Variants in BCAS3 observed in about 807,000 individuals in gnomAD.
BCAS3 encodes BCAS4/BCAS3 fusion.
Under a neutral mutation model 116.1 loss-of-function variants are expected in BCAS3, and 53 were observed. The ratio of observed to expected loss-of-function variants is 0.46; its 90% CI spans 0.37 to 0.57. The LOEUF is 0.57. BCAS3 is among the 20% of genes least tolerant of loss of function. BCAS3 has a pLI of 0.00. For synonymous variants in BCAS3, 391 were observed against 408.2 expected, an observed-to-expected ratio of 0.96 and a Z score of 0.51; for missense variants, 917 against 1,165.4, an observed-to-expected ratio of 0.79 and a Z score of 3.10.
chr17:61,229,437 A>G lies in BCAS3; in HGVS notation c.2426-138890A>G, dbSNP rs185279036. On this transcript the variant is annotated intron_variant, in intron 22 of 23. Coordinates refer to ENST00000407086, the MANE Select transcript of BCAS3 (RefSeq NM_017679.5). This position sits in a 1 kb window ranked among gnomAD's most constrained non-coding sequence, Gnocchi z 4.4. ...GATGAAGGTGGCTATGCTAAACAAC[A>G]GATATCGATGTAGACAGAACAGCCT... Among the ~76,000 whole-genome samples the G allele has an allele frequency of 1.2e-3, 184 of 152,388 alleles. No homozygotes were observed. Among genetic ancestry groups the G allele is most frequent in the Non-Finnish European group, 1.8e-3 (120 of 68,034 alleles).
At chr17:61,375,883 T>C (rs1186277199) in intron 23 of BCAS3, among the ~76,000 whole-genome samples, 2 of 152,198 alleles carry the variant, frequency 1.3e-5, no homozygotes, top group Non-Finnish European at 2.9e-5. Flanking sequence ...AATTATCTTT[T>C]AGCCATCCCT....
At chr17:61,115,497 T>C (rs1446988512) in intron 22 of BCAS3, among the ~76,000 whole-genome samples, 10 of 138,116 alleles carry the variant, frequency 7.2e-5, no homozygotes, top group Admixed American at 1.5e-4. Flanking sequence ...AAAATGCTCA[T>C]CATCACTGGC....
At chr17:60,859,394 G>T (rs896731530) in intron 7 of BCAS3, among the ~76,000 whole-genome samples, 1 of 151,968 alleles carries the variant, frequency 6.6e-6, no homozygotes, top group African/African-American at 2.4e-5. Context: ...CCTTCCTTGT[G>T]TCCATGTGAA....
chr17:61,080,151 C>T (rs1029947279), intron 21 of BCAS3, among the ~76,000 whole-genome samples: 5 of 151,836 alleles, frequency 3.3e-5, no homozygotes, highest in Non-Finnish European at 7.4e-5. Flanking sequence ...GTGATCTGCC[C>T]GCCTCTGCCT....
At chr17:60,952,975 A>G (rs901210927) in intron 14 of BCAS3, among the ~76,000 whole-genome samples, 1 of 151,088 alleles carries the variant, frequency 6.6e-6, no homozygotes, top group Non-Finnish European at 1.5e-5. Context: ...ATAATATTCC[A>G]TGGTGTCTAT....
At position 61,065,681 on chromosome 17, in the gene BCAS3, T is replaced by C. The variant is rs1821510309; in HGVS notation, c.2030-9239T>C. Among the ~76,000 whole-genome samples the C allele has an allele frequency of 6.6e-6, 1 of 152,086 alleles. No homozygotes were observed. Among genetic ancestry groups the C allele is most frequent in the Admixed American group, 6.6e-5 (1 of 15,264 alleles). On this transcript the variant is annotated intron_variant, in intron 19 of 23. Coordinates refer to ENST00000407086, the MANE Select transcript of BCAS3 (RefSeq NM_017679.5). This position sits in a 1 kb window ranked among gnomAD's most constrained non-coding sequence, Gnocchi z 4.8. ...CTTTCACGTGCTAAGGGTTTTATTG[T>C]TTGTGGAGGAAGGGTGGGGATATGG...
intron 22 of BCAS3, among the ~76,000 whole-genome samples, chr17:61,299,400 A>C (rs1171582439): frequency 7.2e-6 from 1 of 139,558 alleles, no homozygotes; most frequent in African/African-American, 2.8e-5. Flanking sequence ...CTGAGGTTGC[A>C]CCATTGCACT....
At chr17:60,717,987 T>A (rs2038826270) in intron 5 of BCAS3, among the ~76,000 whole-genome samples, 1 of 152,204 alleles carries the variant, frequency 6.6e-6, no homozygotes, top group South Asian at 2.1e-4. Flanking sequence ...TAGATTCTCA[T>A]AAGGAGCACA....
rs549734894 is a variant in BCAS3 at position 60,681,972 on chromosome 17, C to T, written c.84-2010C>T. The stretch of plus-strand genomic sequence containing the variant: ...CTCAAACTCCCAACCTCAGGTGGTC[C>T]GCCTGCCTCAGCCTCCCAAAGTGCT... On this transcript the variant is annotated intron_variant, in intron 2 of 23. Coordinates refer to ENST00000407086, the MANE Select transcript of BCAS3 (RefSeq NM_017679.5). 1.4e-4 allele frequency among the ~76,000 whole-genome samples: 22 copies of T among 152,210 alleles called. 1 individual carries two copies. Among genetic ancestry groups the T allele is most frequent in the African/African-American group, 5.3e-4 (22 of 41,548 alleles).
chr17:60,866,355 C>T (rs973859040), intron 7 of BCAS3, among the ~76,000 whole-genome samples: 6 of 151,984 alleles, frequency 3.9e-5, no homozygotes, highest in African/African-American at 1.4e-4. Flanking sequence ...TCTTGAACTC[C>T]CAACCTCAGG....
intron 7 of BCAS3, among the ~76,000 whole-genome samples, chr17:60,865,821 A>G (rs1195556809): frequency 2.0e-5 from 3 of 152,176 alleles, no homozygotes; most frequent in Non-Finnish European, 2.9e-5. Context: ...AAAGCAGACA[A>G]TTTTGCCTCG....
At chr17:61,305,000 G>A (rs1280741309) in intron 22 of BCAS3, among the ~76,000 whole-genome samples, 19 of 152,030 alleles carry the variant, frequency 1.2e-4, no homozygotes, top group Admixed American at 9.8e-4. Flanking sequence ...CAGGTGATCC[G>A]CCCGCCTCGG....
At position 61,077,034 on chromosome 17, in the gene BCAS3, G is replaced by A. The variant is rs2143475963; in HGVS notation, c.2131-1299G>A. 6.6e-6 allele frequency among the ~76,000 whole-genome samples: 1 copy of A among 152,112 alleles called. No homozygotes were observed. Among genetic ancestry groups the A allele is most frequent in the Middle Eastern group, 3.4e-3 (1 of 294 alleles). The stretch of plus-strand genomic sequence containing the variant: ...AACTCAGGACAAAAATAAGGCATGT[G>A]GGAAGTCAATTACATAAAGTATTTG... On this transcript the variant is annotated intron_variant, in intron 20 of 23. Transcript: ENST00000407086. The surrounding 1 kb of genome is among the most constrained non-coding windows in gnomAD (Gnocchi z 4.3).
chr17:60,812,541 G>C (rs973960351), intron 7 of BCAS3, among the ~76,000 whole-genome samples: 1 of 152,184 alleles, frequency 6.6e-6, no homozygotes, highest in African/African-American at 2.4e-5. Context: ...CTGTTTGGGA[G>C]TGGTCCTAGA....
In BCAS3 at chr17:61,128,154, C is replaced by T. The variant is rs1013609387; in HGVS notation, c.2425+43590C>T. The T allele has an allele frequency of 1.5e-4, 144 of 982,348 alleles. No individual in the cohort carries two copies. The highest frequency in any genetic ancestry group is 6.1e-4 in the Admixed American group (10 of 16,262). The allele number at this position is 982,348 out of a possible 1,614,324, so 60.9% of individuals were successfully genotyped here. A position where few individuals can be genotyped will look rare whatever the true frequency, so the allele number is the denominator to read the frequency against. ...AGATTCCTTGATACTGTAAACCTGA[C>T]AACTCAATCTGGTTTTCTTTTAGGA... On this transcript the variant is annotated intron_variant, in intron 22 of 23. Coordinates refer to ENST00000407086, the MANE Select transcript of BCAS3 (RefSeq NM_017679.5). The surrounding 1 kb of genome is among the most constrained non-coding windows in gnomAD (Gnocchi z 4.1).
Position 61,098,730 on chromosome 17 carries a change from G to A in BCAS3, c.2425+14166G>A, listed in dbSNP as rs1476955342. On this transcript the variant is annotated intron_variant, in intron 22 of 23. Transcript: ENST00000407086. The surrounding 1 kb of genome is among the most constrained non-coding windows in gnomAD (Gnocchi z 4.2). ...TCTCTAAATGTTTTTACGTTGTTGT[G>A]ATCAGGATTTCTTTGCCAAATGAAA... is the stretch of plus-strand genomic sequence containing the variant. Among the ~76,000 whole-genome samples, 1 of 152,140 alleles carries A rather than the reference G, an allele frequency of 6.6e-6. No homozygotes were observed. Among genetic ancestry groups the A allele is most frequent in the African/African-American group, 2.4e-5 (1 of 41,416 alleles).
rs975851328 is a variant in BCAS3, at chr17:61,156,150, A to G, written c.2425+71586A>G. 1.3e-5 allele frequency among the ~76,000 whole-genome samples: 2 copies of G among 151,740 alleles called. No homozygotes were observed. The highest frequency in any genetic ancestry group is 2.9e-5 in the Non-Finnish European group (2 of 67,992). ...ACAAACAAACGCAGAGAGACAGAGAAAGACAGTCAGCCAGACACATTAAAA... is the reference window on the plus strand; with the variant it reads ...ACAAACAAACGCAGAGAGACAGAGAGAGACAGTCAGCCAGACACATTAAAA... On this transcript the variant is annotated intron_variant, in intron 22 of 23. Coordinates refer to ENST00000407086, the MANE Select transcript of BCAS3 (RefSeq NM_017679.5). The surrounding 1 kb of genome is among the most constrained non-coding windows in gnomAD (Gnocchi z 4.7).
chr17:60,755,597 T>C (rs56935385), intron 6 of BCAS3, among the ~76,000 whole-genome samples: 2,076 of 152,294 alleles, frequency 0.014, 52 homozygotes, highest in African/African-American at 0.048. Context: ...CATGATGTGT[T>C]TTAAAAATTG....
chr17:60,917,706 G>T (rs139662659), intron 12 of BCAS3, among the ~76,000 whole-genome samples: 22 of 151,972 alleles, frequency 1.4e-4, no homozygotes, highest in Middle Eastern at 3.4e-3. Context: ...CGATTCTCTT[G>T]CCTCAGCCTC....
Sources: gnomAD v4.1 joint callset for allele counts (sites outside exome capture counted in the v4.1 genomes callset) on GRCh38, gnomAD v4.1.1 for gene constraint, Gnocchi (gnomAD v3.1) non-coding constraint, MANE v1.5 for transcripts, NCBI Gene and HGNC (gene_info 2026-07-23, HGNC 2026-07-21) for gene names.